Variants in TGM7 observed in about 807,000 individuals in gnomAD.
TGM7 encodes transglutaminase 7, also known as protein-glutamine gamma-glutamyltransferase Z.
Under a neutral mutation model 79.5 loss-of-function variants are expected in TGM7, and 74 were observed. That is an observed-to-expected ratio of 0.93 (90% confidence interval 0.77 to 1.13). TGM7 has a LOEUF of 1.13. TGM7 is among the 50% of genes most tolerant of loss of function. The pLI is 0.00. For synonymous variants in TGM7, 354 were observed against 362.5 expected (o/e 0.98, Z 0.27); for missense variants, 912 against 905.9 (o/e 1.01, Z -0.09).
At chr15:43,292,656 C>T in intron 3 of TGM7, 53 bp downstream of exon 3, 1 of 1,599,300 alleles carries the variant, frequency 6.3e-7, no homozygotes, top group Non-Finnish European at 8.5e-7. Flanking sequence ...AAGAACCTCA[C>T]AGGGCCTTCC....
intron 6 of TGM7, among the ~76,000 whole-genome samples, chr15:43,285,204 T>C (rs2042929122): frequency 6.6e-6 from 1 of 152,126 alleles, no homozygotes; most frequent in African/African-American, 2.4e-5. Context: ...ATAATCCGAC[T>C]TATCATTTAG....
At chr15:43,288,000 G>A (rs1192242657) in intron 4 of TGM7, among the ~76,000 whole-genome samples, 1 of 152,156 alleles carries the variant, frequency 6.6e-6, no homozygotes, top group East Asian at 1.9e-4. Flanking sequence ...AGGAAGAGGA[G>A]AGTGGGCATA....
In TGM7 at chr15:43,276,937, G is replaced by T. The variant is rs1345393198; in HGVS notation, c.1898C>A (p.Thr633Asn). Residue 633 changes from threonine (T) to asparagine (N), a missense_variant, in exon 12 of 13, where the codon ACC becomes AAC. Transcript: ENST00000452443. ...ALRVHVTLTNTLMVALSSCTM... is the reference protein window; with the variant it reads ...ALRVHVTLTNNLMVALSSCTM... ...GCAGCTGCTCAGAGCCACCATTAAG[G>T]TGTTGGTGAGGGTGACATGGACTCT... 1 of 1,614,140 alleles carries T rather than the reference G, an allele frequency of 6.2e-7. No homozygotes were observed. The highest frequency in any genetic ancestry group is 8.5e-7 in the Non-Finnish European group (1 of 1,180,030).
intron 1 of TGM7, among the ~76,000 whole-genome samples, chr15:43,295,572 A>G (rs764828577): frequency 2.3e-4 from 35 of 152,216 alleles, no homozygotes; most frequent in South Asian, 1.4e-3. Flanking sequence ...CCTGGGTGAC[A>G]GAGCAACTCC....
chr15:43,301,402 G>A (rs1358448384), intron 1 of TGM7, among the ~76,000 whole-genome samples: 1 of 151,664 alleles, frequency 6.6e-6, no homozygotes, highest in Non-Finnish European at 1.5e-5. Context: ...GGCCAAGGTG[G>A]GTGGGTCACC....
At chr15:43,280,410 G>A (rs544394242) in intron 9 of TGM7, among the ~76,000 whole-genome samples, 13 of 152,160 alleles carry the variant, frequency 8.5e-5, no homozygotes, top group Non-Finnish European at 1.9e-4. Context: ...GATCGCCTGA[G>A]GTCAGGAGTT....
intron 1 of TGM7, among the ~76,000 whole-genome samples, chr15:43,298,352 C>A (rs758655372): frequency 1.3e-5 from 2 of 152,192 alleles, no homozygotes; most frequent in Non-Finnish European, 1.5e-5. Context: ...GGGGCTCGAG[C>A]CCGGGCCAAG....
chr15:43,302,165 T>A (rs1342747571), intron 1 of TGM7, 76 bp downstream of exon 1: 1 of 1,572,032 alleles, frequency 6.4e-7, no homozygotes, highest in Middle Eastern at 1.7e-4. Flanking sequence ...CTTCCCTACA[T>A]CCTCTACCCT....
intron 6 of TGM7, among the ~76,000 whole-genome samples, chr15:43,285,722 C>T (rs2042932197): frequency 6.6e-6 from 1 of 152,180 alleles, no homozygotes; most frequent in Admixed American, 6.5e-5. Flanking sequence ...CAGCAACCAT[C>T]TTTAATAAGG....
chr15:43,290,339 T>A (rs2042957323), intron 4 of TGM7, among the ~76,000 whole-genome samples: 1 of 152,234 alleles, frequency 6.6e-6, no homozygotes, highest in African/African-American at 2.4e-5. Flanking sequence ...CCCCATTTCT[T>A]GTTTTTGTCA....
intron 1 of TGM7, 195 bp downstream of exon 1, chr15:43,302,046 G>A (rs528628384): frequency 3.9e-4 from 251 of 640,206 alleles, no homozygotes; most frequent in Middle Eastern, 1.5e-3. Flanking sequence ...AAAAGAAAAC[G>A]AATGGCTGTA....
chr15:43,293,423 G>T, intron 2 of TGM7, 26 bp downstream of exon 2: 1 of 1,563,794 alleles, frequency 6.4e-7, no homozygotes, highest in Non-Finnish European at 8.7e-7. Flanking sequence ...CGGAACCTGC[G>T]GGGCCTTGGG....
At chr15:43,290,918 C>T (rs568112984) in intron 4 of TGM7, among the ~76,000 whole-genome samples, 58 of 152,232 alleles carry the variant, frequency 3.8e-4, no homozygotes, top group Admixed American at 1.3e-3. Context: ...GATTTTGTAT[C>T]CTGAGATATT....
In TGM7 at chr15:43,293,331, C is replaced by T. The variant is rs953015517; in HGVS notation, c.193+118G>A. ...TCCTGAGCATGAGGGGTCTGGGGCT[C>T]CCAGGACAAGAAAGTGGAGGGCAGC... On this transcript the variant is annotated intron_variant, in intron 2 of 12. Transcript: ENST00000452443. 5.2e-6 allele frequency: 7 copies of T among 1,334,808 alleles called. No homozygotes were observed. The African/African-American group carries it at 7.3e-5, about 14-fold the overall frequency. 82.7% of individuals were successfully genotyped at this position (1,334,808 alleles called of 1,614,324 possible). A position where few individuals can be genotyped will look rare whatever the true frequency, so the allele number is the denominator to read the frequency against.
At chr15:43,294,415 C>A (rs536683843) in intron 1 of TGM7, among the ~76,000 whole-genome samples, 1 of 152,328 alleles carries the variant, frequency 6.6e-6, no homozygotes, top group South Asian at 2.1e-4. Context: ...AGACCTCGAG[C>A]AAGTCACTTA....
chr15:43,300,818 T>G (rs1241642996), intron 1 of TGM7, among the ~76,000 whole-genome samples: 1 of 152,108 alleles, frequency 6.6e-6, no homozygotes, highest in African/African-American at 2.4e-5. Flanking sequence ...AATATATGTG[T>G]ATATATATAA....
In TGM7 at chr15:43,284,822, G is replaced by C; in HGVS notation, c.996C>G (p.Asp332Glu). The C allele has an allele frequency of 6.2e-7, 1 of 1,614,106 alleles. No individual in the cohort carries two copies. Among genetic ancestry groups the C allele is most frequent in the Non-Finnish European group, 8.5e-7 (1 of 1,180,030 alleles). ...AAGACAGTGCCTCTCACCATATTTT[G>C]TCTCGTTTCTGAGTTGACAGCATCT... is the stretch of plus-strand genomic sequence containing the variant. The part of the protein sequence containing the change: ...NAEMLSTQKR[D>E]KIWNFHVWNE... Residue 332 changes from aspartate to glutamate, a missense_variant, in exon 7 of 13, where the codon GAC becomes GAG. Asp to Glu is a conservative substitution (Grantham distance 45). Coordinates refer to ENST00000452443, the MANE Select transcript of TGM7 (RefSeq NM_052955.3).
At chr15:43,297,589 GAAAGAAA>G (rs1566847962) in intron 1 of TGM7, among the ~76,000 whole-genome samples, 5 of 132,462 alleles carry the variant, frequency 3.8e-5, no homozygotes, top group African/African-American at 1.6e-4. Context: ...TGCATGTATA[GAAAGAAA>G]GAAAGAAAGA....
rs1301404169 is a variant in TGM7, at chr15:43,276,316, C to T, written c.*139G>A. On this transcript the variant is annotated 3_prime_UTR_variant, in exon 13 of 13. Transcript: ENST00000452443. ...ATCTTTATTGTCTCTTCCCAAAGCA[C>T]ACGGTGTTTCTAACAGAGCTTCATT... The T allele has an allele frequency of 1.0e-6, 1 of 998,296 alleles. No homozygotes were observed. Among genetic ancestry groups the T allele is most frequent in the Non-Finnish European group, 1.5e-6 (1 of 679,866 alleles). The allele number at this position is 998,296 out of a possible 1,614,324, so 61.8% of individuals were successfully genotyped here.
Sources: gnomAD v4.1 joint callset for allele counts (sites outside exome capture counted in the v4.1 genomes callset) on GRCh38, gnomAD v4.1.1 for gene constraint, MANE v1.5 for transcripts, NCBI Gene and HGNC (gene_info 2026-07-23, HGNC 2026-07-21) for gene names.